FILIP1: variants seen among roughly 807,000 people sequenced by gnomAD.
FILIP1 encodes filamin-A-interacting protein 1.
Under a neutral mutation model 102.1 loss-of-function variants are expected in FILIP1, and 61 were observed. The observed-to-expected ratio is 0.60, with a 90% confidence interval of 0.49 to 0.74. The LOEUF (loss-of-function observed/expected upper bound fraction) is 0.74. FILIP1 is among the 30% of genes least tolerant of loss of function. The probability of loss-of-function intolerance (pLI) is 0.00; values close to 1 mark genes in which losing one functional copy is unlikely to be tolerated. For synonymous variants in FILIP1, 491 were observed against 526.9 expected, an observed-to-expected ratio of 0.93 and a Z score of 0.93; for missense variants, 1,314 against 1,441.2, an observed-to-expected ratio of 0.91 and a Z score of 1.43.
intron 2 of FILIP1, among the ~76,000 whole-genome samples, chr6:75,374,545 AT>A (rs1156654971): frequency 6.6e-6 from 1 of 152,008 alleles, no homozygotes. Flanking sequence ...CGCCAGACTA[AT>A]TTTTGTATTT....
intron 1 of FILIP1, among the ~76,000 whole-genome samples, chr6:75,462,256 A>C (rs77514137): frequency 0.045 from 6,824 of 152,214 alleles, 233 homozygotes; most frequent in Non-Finnish European, 0.056. Context: ...GATGTCAGCT[A>C]TGGTGCTGAA....
At chr6:75,464,258 G>C (rs956057649) in intron 1 of FILIP1, among the ~76,000 whole-genome samples, 3 of 152,116 alleles carry the variant, frequency 2.0e-5, no homozygotes, top group Non-Finnish European at 4.4e-5. Context: ...ACTAAAAATA[G>C]ATTATTTATG....
chr6:75,439,315 G>A (rs1778126148), intron 1 of FILIP1, among the ~76,000 whole-genome samples: 1 of 151,956 alleles, frequency 6.6e-6, no homozygotes, highest in Non-Finnish European at 1.5e-5. Flanking sequence ...GCGGTGAGCC[G>A]AGATCACGCC....
At chr6:75,401,057 C>G (rs930182107) in intron 2 of FILIP1, among the ~76,000 whole-genome samples, 2 of 152,034 alleles carry the variant, frequency 1.3e-5, no homozygotes, top group East Asian at 1.9e-4. Context: ...CTTTCCCCAC[C>G]CCTACTATTT....
chr6:75,412,931 T>C (rs1777126345), intron 2 of FILIP1, among the ~76,000 whole-genome samples: 1 of 152,202 alleles, frequency 6.6e-6, no homozygotes, highest in Non-Finnish European at 1.5e-5. Flanking sequence ...CTCAAGAATA[T>C]ATCTATTGTG....
chr6:75,367,059 T>C (rs1775363226), intron 2 of FILIP1, among the ~76,000 whole-genome samples: 1 of 152,210 alleles, frequency 6.6e-6, no homozygotes, highest in East Asian at 1.9e-4. Flanking sequence ...ATATTATTGG[T>C]ATTGATCATC....
At chr6:75,482,525 T>C (rs1779674681) in intron 1 of FILIP1, among the ~76,000 whole-genome samples, 3 of 152,226 alleles carry the variant, frequency 2.0e-5, no homozygotes, top group Non-Finnish European at 4.4e-5. Flanking sequence ...TAGTTATGTC[T>C]ATGCCACTGT....
rs552563691 is a variant in FILIP1 at position 75,320,969 on chromosome 6, T to C, written c.630-5767A>G. Among the ~76,000 whole-genome samples the C allele has an allele frequency of 1.2e-3, 182 of 152,308 alleles. 1 individual carries two copies. Among genetic ancestry groups the C allele is most frequent in the South Asian group, 8.1e-3 (39 of 4,828 alleles). ...CAGCTATGGGAGTATTAGAACAGGC[T>C]GAATTAAGGCTTTTTTTCTCTCATA... is the stretch of plus-strand genomic sequence containing the variant. On this transcript the variant is annotated intron_variant, in intron 4 of 5. Coordinates refer to ENST00000237172, the MANE Select transcript of FILIP1 (RefSeq NM_015687.5).
At chr6:75,431,618 G>T (rs1777825246) in intron 1 of FILIP1, among the ~76,000 whole-genome samples, 1 of 152,158 alleles carries the variant, frequency 6.6e-6, no homozygotes, top group South Asian at 2.1e-4. Context: ...CAAGGACAGA[G>T]ATTTGCCAGA....
intron 1 of FILIP1, among the ~76,000 whole-genome samples, chr6:75,456,338 TA>T (rs1208996483): frequency 6.6e-6 from 1 of 152,170 alleles, no homozygotes. Flanking sequence ...AAAGAAGCAG[TA>T]TCTCCTCTCA....
intron 4 of FILIP1, among the ~76,000 whole-genome samples, chr6:75,325,719 A>G (rs1422603862): frequency 1.4e-5 from 1 of 70,924 alleles, no homozygotes; most frequent in African/African-American, 9.6e-5. Flanking sequence ...AAGAATTACC[A>G]TAATTAAAAA....
chr6:75,313,157 G>A lies in FILIP1; in HGVS notation c.2675C>T (p.Ser892Phe), dbSNP rs867134216. 5 of 1,614,172 alleles carry A rather than the reference G, an allele frequency of 3.1e-6. No individual in the cohort carries two copies. The highest frequency in any genetic ancestry group is 4.2e-6 in the Non-Finnish European group (5 of 1,180,022). ...ITQEKGPRTN[S>F]SPGHPGEVVL... ...TACCTCTCCTGGGTGCCCTGGACTG[G>A]AATTTGTTCGGGGCCCTTTCTCCTG... The change falls in exon 5 of 6, where the codon TCC (serine) becomes TTC (phenylalanine). Residue 892 changes from serine to phenylalanine, a missense_variant. Coordinates refer to ENST00000237172, the MANE Select transcript of FILIP1 (RefSeq NM_015687.5). This position sits in a 1 kb window ranked among gnomAD's most constrained non-coding sequence, Gnocchi z 4.2.
chr6:75,353,183 T>A (rs1774869483), intron 4 of FILIP1, among the ~76,000 whole-genome samples: 1 of 151,816 alleles, frequency 6.6e-6, no homozygotes, highest in African/African-American at 2.4e-5. Context: ...TGTGCACATG[T>A]ACCCTAGAAC....
In FILIP1 at chr6:75,453,805, G is replaced by GA. The variant is rs201724103; in HGVS notation, c.-6-38828dup. Among the ~76,000 whole-genome samples, 464 of 151,240 alleles carry GA rather than the reference G, an allele frequency of 3.1e-3. 1 individual carries two copies. The highest frequency in any genetic ancestry group is 5.4e-3 in the Non-Finnish European group (363 of 67,730). ...CTGGCCAGGGTGAAAGGGAGAAAGAGAAAAAAAAATCTCTGTCCTTAAGGG... is the reference window on the plus strand; with the variant it reads ...CTGGCCAGGGTGAAAGGGAGAAAGAGAAAAAAAAAATCTCTGTCCTTAAGGG... On this transcript the variant is annotated intron_variant, in intron 1 of 5. Transcript: ENST00000237172.
At chr6:75,325,378 C>T (rs537373497) in intron 4 of FILIP1, among the ~76,000 whole-genome samples, 7 of 152,216 alleles carry the variant, frequency 4.6e-5, no homozygotes, top group South Asian at 4.1e-4. Flanking sequence ...GCCGAGATTG[C>T]GCCACTGCAC....
chr6:75,409,182 G>A (rs965018267), intron 2 of FILIP1, among the ~76,000 whole-genome samples: 7 of 152,186 alleles, frequency 4.6e-5, no homozygotes, highest in Non-Finnish European at 7.3e-5. Context: ...TCCATAGAAT[G>A]TAAGTGATAT....
chr6:75,379,137 G>A (rs1775827248), intron 2 of FILIP1, among the ~76,000 whole-genome samples: 1 of 152,122 alleles, frequency 6.6e-6, no homozygotes, highest in South Asian at 2.1e-4. Flanking sequence ...TGAATTAAAT[G>A]TTATGCATTT....
intron 2 of FILIP1, among the ~76,000 whole-genome samples, chr6:75,380,960 T>C (rs1008301605): frequency 2.0e-5 from 3 of 152,218 alleles, no homozygotes; most frequent in Non-Finnish European, 4.4e-5. Flanking sequence ...TAAATCATTG[T>C]TTTTCAAACT....
At chr6:75,444,595 T>C (rs1167067523) in intron 1 of FILIP1, among the ~76,000 whole-genome samples, 3 of 152,052 alleles carry the variant, frequency 2.0e-5, no homozygotes, top group African/African-American at 7.3e-5. Context: ...TCCCCTACCA[T>C]CGTAAGTTGT....
Sources: gnomAD v4.1 joint callset for allele counts (sites outside exome capture counted in the v4.1 genomes callset) on GRCh38, gnomAD v4.1.1 for gene constraint, Gnocchi (gnomAD v3.1) non-coding constraint, MANE v1.5 for transcripts, NCBI Gene and HGNC (gene_info 2026-07-23, HGNC 2026-07-21) for gene names.